NELL2: variants seen among roughly 807,000 people sequenced by gnomAD.
NELL2 encodes protein kinase C-binding protein NELL2.
In NELL2, 41 loss-of-function variants were observed where a neutral mutation model predicts 109.6. That is an observed-to-expected ratio of 0.37 (90% CI 0.29 to 0.49). The LOEUF is 0.49. NELL2 is among the 20% of genes least tolerant of loss of function. NELL2 has a pLI of 0.98. For synonymous variants in NELL2, 355 were observed against 344.7 expected, an observed-to-expected ratio of 1.03 and a Z score of -0.33; for missense variants, 900 against 1,008.3, an observed-to-expected ratio of 0.89 and a Z score of 1.45.
chr12:44,619,288 G>C (rs1210110676), intron 13 of NELL2, among the ~76,000 whole-genome samples: 7 of 152,148 alleles, frequency 4.6e-5, no homozygotes, highest in African/African-American at 1.7e-4. Flanking sequence ...AGAACAGTAA[G>C]AAATAATTAC....
At chr12:44,569,368 G>C (rs1943777618) in intron 15 of NELL2, among the ~76,000 whole-genome samples, 1 of 152,036 alleles carries the variant, frequency 6.6e-6, no homozygotes, top group Non-Finnish European at 1.5e-5. Flanking sequence ...CTTTACAATA[G>C]TACAATTTAC....
intron 2 of NELL2, among the ~76,000 whole-genome samples, chr12:44,835,222 G>T (rs1233506057): frequency 6.6e-6 from 1 of 152,106 alleles, no homozygotes; most frequent in East Asian, 1.9e-4. Flanking sequence ...GCCTCTGTGT[G>T]GTACTGATTA....
At chr12:44,832,290 T>A (rs761731958) in intron 2 of NELL2, among the ~76,000 whole-genome samples, 1 of 151,884 alleles carries the variant, frequency 6.6e-6, no homozygotes, top group Non-Finnish European at 1.5e-5. Context: ...ATGTCTAGAA[T>A]GGAAGACCAA....
intron 3 of NELL2, among the ~76,000 whole-genome samples, chr12:44,808,428 T>A (rs1480644830): frequency 6.6e-6 from 1 of 152,034 alleles, no homozygotes; most frequent in African/African-American, 2.4e-5. Flanking sequence ...GTAACTTTCC[T>A]AATAATAAGG....
intron 2 of NELL2, among the ~76,000 whole-genome samples, chr12:44,867,261 A>C (rs1246614071): frequency 2.6e-5 from 4 of 152,228 alleles, no homozygotes; most frequent in Non-Finnish European, 5.9e-5. Flanking sequence ...ACTCAACAGC[A>C]CATTAAAAGT....
chr12:44,557,687 G>A (rs1943309312), intron 15 of NELL2, among the ~76,000 whole-genome samples: 1 of 152,160 alleles, frequency 6.6e-6, no homozygotes, highest in Admixed American at 6.5e-5. Context: ...ACAGGTATGG[G>A]GTTCAAGAGA....
chr12:44,913,840 A>T, exon 1 of NELL2: 1 of 779,372 alleles, frequency 1.3e-6, no homozygotes, highest in Non-Finnish European at 2.0e-6. Context: ...TAGACATTTT[A>T]TAATAATAAT....
intron 15 of NELL2, among the ~76,000 whole-genome samples, chr12:44,558,536 G>T (rs571081482): frequency 1.7e-4 from 26 of 152,332 alleles, no homozygotes; most frequent in African/African-American, 6.3e-4. Context: ...TGGTCGGCGG[G>T]AGGGGGTGCG....
At chr12:44,820,834 T>G (rs1215892275) in intron 2 of NELL2, among the ~76,000 whole-genome samples, 1 of 152,194 alleles carries the variant, frequency 6.6e-6, no homozygotes, top group South Asian at 2.1e-4. Flanking sequence ...CATGTGGACA[T>G]GTCCAGTAGA....
At chr12:44,525,107 A>C (rs1173943154) in intron 16 of NELL2, among the ~76,000 whole-genome samples, 2 of 152,208 alleles carry the variant, frequency 1.3e-5, no homozygotes, top group Non-Finnish European at 2.9e-5. Context: ...TCCTTACTAC[A>C]TAGCCTTTTT....
At chr12:44,795,937 A>T (rs540690352) in intron 3 of NELL2, among the ~76,000 whole-genome samples, 87 of 152,144 alleles carry the variant, frequency 5.7e-4, no homozygotes, top group Non-Finnish European at 1.0e-3. Flanking sequence ...TAATTCATTT[A>T]TTCTAATGGT....
intron 3 of NELL2, among the ~76,000 whole-genome samples, 186 bp from the exon 4 acceptor site, chr12:44,780,208 A>T (rs1395940518): frequency 6.6e-6 from 1 of 152,152 alleles, no homozygotes; most frequent in Non-Finnish European, 1.5e-5. Context: ...TTCAGGATCC[A>T]AGGAACAATA....
chr12:44,751,997 C>T (rs1213127595), intron 9 of NELL2, among the ~76,000 whole-genome samples: 1 of 151,622 alleles, frequency 6.6e-6, no homozygotes, highest in Non-Finnish European at 1.5e-5. Context: ...AATGTTTTAA[C>T]AAAGTTTACA....
intron 15 of NELL2, among the ~76,000 whole-genome samples, chr12:44,582,041 G>A (rs1384638983): frequency 6.6e-6 from 1 of 152,120 alleles, no homozygotes; most frequent in Non-Finnish European, 1.5e-5. Context: ...CATTTTTCAA[G>A]GCTAATTACT....
intron 13 of NELL2, among the ~76,000 whole-genome samples, chr12:44,629,398 T>C (rs1427080611): frequency 6.6e-6 from 1 of 152,228 alleles, no homozygotes; most frequent in Admixed American, 6.5e-5. Context: ...AATTAAAATA[T>C]GAAGACTCAG....
At chr12:44,563,757 T>C (rs1464509470) in intron 15 of NELL2, among the ~76,000 whole-genome samples, 1 of 152,246 alleles carries the variant, frequency 6.6e-6, no homozygotes, top group Non-Finnish European at 1.5e-5. Flanking sequence ...TGATACTTTC[T>C]AGTAGAAATA....
chr12:44,687,768 A>T (rs1394867411), intron 12 of NELL2, among the ~76,000 whole-genome samples: 1 of 152,258 alleles, frequency 6.6e-6, no homozygotes, highest in African/African-American at 2.4e-5. Context: ...ACCTGACCTT[A>T]AACTTAATGA....
intron 3 of NELL2, among the ~76,000 whole-genome samples, chr12:44,803,878 GATGTT>G (rs948534222): frequency 6.6e-6 from 1 of 151,878 alleles, no homozygotes; most frequent in African/African-American, 2.4e-5. Flanking sequence ...CTAGTTTTCA[GATGTT>G]ATATCAGCAA....
chr12:44,868,466 G>A (rs1169308595), intron 2 of NELL2, among the ~76,000 whole-genome samples: 1 of 152,086 alleles, frequency 6.6e-6, no homozygotes, highest in African/African-American at 2.4e-5. Flanking sequence ...CTCACATCTT[G>A]ACAATTATGA....
Sources: gnomAD v4.1 joint callset for allele counts (sites outside exome capture counted in the v4.1 genomes callset) on GRCh38, gnomAD v4.1.1 for gene constraint, MANE v1.5 for transcripts, NCBI Gene and HGNC (gene_info 2026-07-23, HGNC 2026-07-21) for gene names.